The following ADCY8 variants were observed in gnomAD, a reference collection of about 807,000 sequenced individuals.
ADCY8 encodes the protein adenylate cyclase type 8.
ADCY8 carries 51 observed loss-of-function variants against 119.7 expected under a neutral mutation model. That is an observed-to-expected ratio of 0.43 (90% CI 0.34 to 0.54). The LOEUF (loss-of-function observed/expected upper bound fraction) is 0.54. Ranked by LOEUF, ADCY8 falls within the 20% of genes least tolerant of loss-of-function variation. ADCY8 has a pLI of 0.03. For missense variants in ADCY8, 1,383 were observed against 1,598.8 expected (o/e 0.87, Z 2.30); for synonymous variants, 665 against 651.0 (o/e 1.02, Z -0.33).
At chr8:130,936,073 A>ATGTG (rs35028784) in intron 5 of ADCY8, among the ~76,000 whole-genome samples, 14,350 of 147,030 alleles carry the variant, frequency 0.098, 740 homozygotes, top group African/African-American at 0.12. Flanking sequence ...AAGCACTGAC[A>ATGTG]TGTGTGTGTG....
chr8:130,835,428 A>AT (rs1289322595), intron 12 of ADCY8, among the ~76,000 whole-genome samples: 1 of 152,144 alleles, frequency 6.6e-6, no homozygotes, highest in African/African-American at 2.4e-5. Context: ...CACCAGCTGA[A>AT]TCTCTTCAGA....
intron 2 of ADCY8, among the ~76,000 whole-genome samples, chr8:130,975,976 C>T (rs1265064040): frequency 2.6e-5 from 4 of 151,970 alleles, no homozygotes; most frequent in Admixed American, 6.6e-5. Context: ...GTGATGGGGG[C>T]AGGATATTTT....
At chr8:131,004,092 G>A (rs1301583366) in intron 1 of ADCY8, among the ~76,000 whole-genome samples, 1 of 152,154 alleles carries the variant, frequency 6.6e-6, no homozygotes, top group Admixed American at 6.5e-5. Context: ...ATCGGGAAAG[G>A]GTGGGGGAAG....
At chr8:130,841,341 G>A (rs960200467) in intron 11 of ADCY8, among the ~76,000 whole-genome samples, 3 of 152,062 alleles carry the variant, frequency 2.0e-5, no homozygotes, top group Non-Finnish European at 4.4e-5. Flanking sequence ...GAATATACAA[G>A]GTTTTCTTCT....
At chr8:130,975,677 TAC>T (rs1019060928) in intron 2 of ADCY8, among the ~76,000 whole-genome samples, 102 of 152,228 alleles carry the variant, frequency 6.7e-4, no homozygotes, top group African/African-American at 2.3e-3. Flanking sequence ...CACGTAAAGT[TAC>T]ATTCTTTGCT....
chr8:130,902,275 A>G (rs1413240413), intron 7 of ADCY8, among the ~76,000 whole-genome samples: 1 of 152,224 alleles, frequency 6.6e-6, no homozygotes, highest in Non-Finnish European at 1.5e-5. Context: ...CAGAGAGGGC[A>G]CTGTCAGCTG....
At chr8:130,886,549 T>G (rs534437240) in intron 7 of ADCY8, among the ~76,000 whole-genome samples, 30 of 152,164 alleles carry the variant, frequency 2.0e-4, no homozygotes, top group African/African-American at 7.0e-4. Flanking sequence ...GGTCAGAAAT[T>G]TTTTTCATAT....
At chr8:130,938,663 G>A (rs1820865863) in intron 4 of ADCY8, among the ~76,000 whole-genome samples, 1 of 152,170 alleles carries the variant, frequency 6.6e-6, no homozygotes, top group Non-Finnish European at 1.5e-5. Flanking sequence ...TTTGGGTAAT[G>A]GATAAGTAAA....
intron 5 of ADCY8, among the ~76,000 whole-genome samples, chr8:130,925,448 A>G (rs1820436333): frequency 6.6e-6 from 1 of 152,080 alleles, no homozygotes; most frequent in Admixed American, 6.5e-5. Context: ...TATTATCCTC[A>G]TTTTGCAGAC....
chr8:130,895,119 C>A (rs1188122561), intron 7 of ADCY8, among the ~76,000 whole-genome samples: 1 of 152,032 alleles, frequency 6.6e-6, no homozygotes, highest in East Asian at 1.9e-4. Context: ...GGAAAAGAAT[C>A]CAGATTTTTG....
chr8:130,834,785 C>T (rs1816935506), intron 12 of ADCY8, among the ~76,000 whole-genome samples: 1 of 151,816 alleles, frequency 6.6e-6, no homozygotes, highest in South Asian at 2.1e-4. Flanking sequence ...TAGATACAGA[C>T]CTAGCTATAT....
intron 2 of ADCY8, among the ~76,000 whole-genome samples, chr8:130,952,614 GC>G (rs1320787949): frequency 1.3e-4 from 20 of 152,308 alleles, no homozygotes; most frequent in African/African-American, 4.6e-4. Flanking sequence ...ACAACTGAAA[GC>G]CACTAAATGG....
At chr8:130,909,636 A>C (rs1819911984) in intron 6 of ADCY8, 72 bp downstream of exon 6, 7 of 1,569,302 alleles carry the variant, frequency 4.5e-6, no homozygotes, top group Non-Finnish European at 5.2e-6. Flanking sequence ...ATTTCTGTAC[A>C]CAGGAAACCC....
At chr8:130,937,233 T>A in intron 4 of ADCY8, 33 bp from the exon 5 acceptor site, 1 of 1,601,924 alleles carries the variant, frequency 6.2e-7, no homozygotes, top group Non-Finnish European at 8.5e-7. Context: ...GAAAGGTCTA[T>A]GTCAGCAGAA....
intron 1 of ADCY8, among the ~76,000 whole-genome samples, chr8:131,017,071 G>GT (rs1563769216): frequency 5.4e-4 from 81 of 150,904 alleles, no homozygotes; most frequent in African/African-American, 1.9e-3. Context: ...GAATGTACAT[G>GT]ATTTTTTTTT....
At chr8:130,796,470 A>G (rs145337784) in intron 15 of ADCY8, among the ~76,000 whole-genome samples, 2 of 152,270 alleles carry the variant, frequency 1.3e-5, no homozygotes, top group African/African-American at 4.8e-5. Flanking sequence ...TGAGCCAGGA[A>G]AGAATTTTGC....
intron 13 of ADCY8, among the ~76,000 whole-genome samples, chr8:130,815,575 A>G (rs1040094340): frequency 3.9e-5 from 6 of 152,240 alleles, no homozygotes; most frequent in African/African-American, 1.4e-4. Flanking sequence ...TAACTTGACT[A>G]AGATCACACA....
At chr8:130,888,246 C>T (rs1312491295) in intron 7 of ADCY8, among the ~76,000 whole-genome samples, 2 of 151,356 alleles carry the variant, frequency 1.3e-5, no homozygotes, top group Non-Finnish European at 2.9e-5. Context: ...TGAACGTATG[C>T]TTCAATGTAT....
intron 15 of ADCY8, among the ~76,000 whole-genome samples, chr8:130,792,649 G>T (rs2130078807): frequency 6.6e-6 from 1 of 152,186 alleles, no homozygotes; most frequent in Admixed American, 6.5e-5. Context: ...AGACATTCAG[G>T]TTCTGACCCT....
Sources: gnomAD v4.1 joint callset for allele counts (sites outside exome capture counted in the v4.1 genomes callset) on GRCh38, gnomAD v4.1.1 for gene constraint, MANE v1.5 for transcripts, NCBI Gene and HGNC (gene_info 2026-07-23, HGNC 2026-07-21) for gene names.